The following ARHGAP10 variants were observed in gnomAD, a reference collection of about 807,000 sequenced individuals.
ARHGAP10 encodes the protein Rho GTPase activating protein 10.
Under a neutral mutation model 108.6 loss-of-function variants are expected in ARHGAP10, and 87 were observed. The observed-to-expected ratio is 0.80, with a 90% CI of 0.67 to 0.96. The LOEUF (loss-of-function observed/expected upper bound fraction) is 0.96, where lower values mean the gene tolerates loss of function less well. Among genes scored for constraint, ARHGAP10 ranks in the 40% least tolerant of loss-of-function variants. The pLI, the probability that ARHGAP10 is intolerant of heterozygous loss-of-function variation, is 0.00. For missense variants in ARHGAP10, 939 were observed against 954.5 expected, an observed-to-expected ratio of 0.98 and a Z score of 0.21; for synonymous variants, 347 against 341.1, an observed-to-expected ratio of 1.02 and a Z score of -0.19.
intron 13 of ARHGAP10, among the ~76,000 whole-genome samples, chr4:147,915,430 A>G (rs560075736): frequency 2.6e-5 from 4 of 152,302 alleles, no homozygotes; most frequent in South Asian, 2.1e-4. Flanking sequence ...TGTCATTTGC[A>G]TGCTTATTAA....
chr4:147,965,253 A>G, intron 17 of ARHGAP10, 124 bp downstream of exon 17: 1 of 609,030 alleles, frequency 1.6e-6, no homozygotes, highest in East Asian at 3.0e-5. Context: ...CGTTTGACTC[A>G]TTGTGTGTGT....
intron 1 of ARHGAP10, among the ~76,000 whole-genome samples, chr4:147,763,966 G>C (rs771092040): frequency 4.6e-5 from 7 of 151,998 alleles, no homozygotes; most frequent in Non-Finnish European, 7.4e-5. Flanking sequence ...TGCTGGCCAG[G>C]CTGGTCTCAA....
intron 13 of ARHGAP10, among the ~76,000 whole-genome samples, chr4:147,934,397 T>A (rs1278509788): frequency 1.3e-5 from 2 of 152,208 alleles, no homozygotes; most frequent in East Asian, 3.8e-4. Context: ...ACAGAGAGAC[T>A]TTGATGGTGG....
intron 18 of ARHGAP10, among the ~76,000 whole-genome samples, chr4:147,978,032 A>G (rs1469293387): frequency 1.3e-5 from 2 of 152,156 alleles, no homozygotes; most frequent in Non-Finnish European, 2.9e-5. Context: ...TCCGTGGTGT[A>G]TATGTACCAC....
chr4:147,813,283 C>G (rs1459942708), intron 1 of ARHGAP10, among the ~76,000 whole-genome samples: 1 of 152,194 alleles, frequency 6.6e-6, no homozygotes, highest in African/African-American at 2.4e-5. Context: ...CTTCACAGCT[C>G]CTGTGAAGGA....
intron 18 of ARHGAP10, among the ~76,000 whole-genome samples, chr4:147,988,077 G>A (rs1282172790): frequency 6.6e-6 from 1 of 152,226 alleles, no homozygotes; most frequent in East Asian, 1.9e-4. Flanking sequence ...TTAACTCAGT[G>A]TAGTTTTTAT....
intron 1 of ARHGAP10, among the ~76,000 whole-genome samples, chr4:147,780,282 A>G (rs1419922230): frequency 6.6e-6 from 1 of 152,094 alleles, no homozygotes; most frequent in Non-Finnish European, 1.5e-5. Context: ...GAGGCTCAGC[A>G]TGCCAGTGTG....
chr4:147,871,464 C>T (rs1322256306), intron 7 of ARHGAP10, among the ~76,000 whole-genome samples: 1 of 152,110 alleles, frequency 6.6e-6, no homozygotes, highest in Admixed American at 6.5e-5. Flanking sequence ...GATGTTTTCT[C>T]TTTCAATCAG....
intron 10 of ARHGAP10, among the ~76,000 whole-genome samples, chr4:147,882,850 G>A (rs1377333701): frequency 6.6e-6 from 1 of 152,158 alleles, no homozygotes; most frequent in Non-Finnish European, 1.5e-5. Flanking sequence ...AAATCCTAGT[G>A]TTCATAGAAT....
rs557006987 is a variant in ARHGAP10, at chr4:147,988,683, T to TA, written c.1716+21851dup. ...AAACCAAGAGCTGCAACATGATCCA[T>TA]AAAAAAATGGGGTCTAGAACATTTC... On this transcript the variant is annotated intron_variant, in intron 18 of 22. Transcript: ENST00000336498. Among the ~76,000 whole-genome samples the TA allele has an allele frequency of 5.3e-4, 81 of 152,224 alleles. 1 individual carries two copies. The highest frequency in any genetic ancestry group is 8.5e-4 in the Non-Finnish European group (58 of 67,998).
chr4:147,963,509 G>A (rs991570542), intron 16 of ARHGAP10, among the ~76,000 whole-genome samples: 2 of 152,252 alleles, frequency 1.3e-5, no homozygotes, highest in African/African-American at 4.8e-5. Context: ...ACATTTTATT[G>A]ATTTATTTGA....
At chr4:147,757,521 C>G (rs1729429292) in intron 1 of ARHGAP10, among the ~76,000 whole-genome samples, 1 of 152,162 alleles carries the variant, frequency 6.6e-6, no homozygotes, top group African/African-American at 2.4e-5. Flanking sequence ...TGAGAGAAGG[C>G]TTGGTGACCC....
At chr4:147,863,131 A>G (rs1038481134) in intron 5 of ARHGAP10, 7 of 152,212 alleles carry the variant, frequency 4.6e-5, no homozygotes, top group Non-Finnish European at 7.3e-5. Flanking sequence ...TTTAAAGTCT[A>G]TGGCCCAGTG....
chr4:147,981,262 TTTTG>T (rs1220041379), intron 18 of ARHGAP10, among the ~76,000 whole-genome samples: 1 of 152,192 alleles, frequency 6.6e-6, no homozygotes, highest in Non-Finnish European at 1.5e-5. Flanking sequence ...TTATGTCTAC[TTTTG>T]TTTGTTTCAA....
rs545376792 is a variant in ARHGAP10, at chr4:147,907,523, TGAAAGTA to T, written c.1116+807_1116+813del. On this transcript the variant is annotated intron_variant, in intron 11 of 22. Transcript: ENST00000336498. The stretch of plus-strand genomic sequence containing the variant: ...TGAGGGAAAAAAAAAGAGAATGGTT[TGAAAGTA>T]GAGGAGGGATCATGTAGAGCAGAAA... Among the ~76,000 whole-genome samples, 59 of 152,228 alleles carry T rather than the reference TGAAAGTA, an allele frequency of 3.9e-4. No individual in the cohort carries two copies. In the South Asian group the frequency reaches 0.011, roughly 29 times the overall value.
At chr4:147,815,458 T>A (rs1379806331) in intron 1 of ARHGAP10, among the ~76,000 whole-genome samples, 1 of 151,952 alleles carries the variant, frequency 6.6e-6, no homozygotes, top group Non-Finnish European at 1.5e-5. Context: ...GACCCTGAGA[T>A]TATTGGCCGG....
intron 3 of ARHGAP10, among the ~76,000 whole-genome samples, chr4:147,824,139 G>A (rs1560776975): frequency 6.6e-6 from 1 of 152,034 alleles, no homozygotes; most frequent in African/African-American, 2.4e-5. Context: ...GGCCAACTTG[G>A]TGAAACCCCA....
At chr4:148,033,924 T>C (rs566338660) in intron 19 of ARHGAP10, among the ~76,000 whole-genome samples, 62 of 152,296 alleles carry the variant, frequency 4.1e-4, no homozygotes, top group African/African-American at 1.4e-3. Context: ...GGGATCCCTA[T>C]TACTGGAAAT....
intron 22 of ARHGAP10, among the ~76,000 whole-genome samples, chr4:148,065,978 T>C (rs1279915603): frequency 1.9e-4 from 3 of 16,184 alleles, no homozygotes; most frequent in African/African-American, 1.7e-4. Context: ...AGACCCCATC[T>C]CAAAAAAAAA....
Sources: allele counts gnomAD v4.1 joint callset (sites outside exome capture counted in the v4.1 genomes callset), GRCh38; gene constraint gnomAD v4.1.1; transcripts MANE v1.5; gene names NCBI Gene and HGNC (gene_info 2026-07-23, HGNC 2026-07-21).